HS2ST1: variants seen among roughly 807,000 people sequenced by gnomAD.
The protein encoded by HS2ST1 is heparan sulfate 2-O-sulfotransferase 1, also known as 2-O-sulfotransferase.
Under a neutral mutation model 42.9 loss-of-function variants are expected in HS2ST1, and 18 were observed. The observed-to-expected ratio is 0.42, with a 90% CI of 0.29 to 0.62. The LOEUF (loss-of-function observed/expected upper bound fraction) is 0.62. Among genes scored for constraint, HS2ST1 ranks in the 20% least tolerant of loss-of-function variants. The pLI, the probability that HS2ST1 is intolerant of heterozygous loss-of-function variation, is 0.21. For missense variants in HS2ST1, 334 were observed against 433.8 expected (o/e 0.77, Z 2.04); for synonymous variants, 146 against 152.9 (o/e 0.95, Z 0.33).
At chr1:87,018,153 C>CACACACACACACACACACACACAG (rs1325046712) in intron 1 of HS2ST1, among the ~76,000 whole-genome samples, 1 of 151,256 alleles carries the variant, frequency 6.6e-6, no homozygotes, top group Non-Finnish European at 1.5e-5. Flanking sequence ...CACACACACA[C>CACACACACACACACACACACACAG]ACACACACAC....
At chr1:87,027,410 C>T (rs1382984361) in intron 1 of HS2ST1, among the ~76,000 whole-genome samples, 1 of 152,140 alleles carries the variant, frequency 6.6e-6, no homozygotes, top group African/African-American at 2.4e-5. Context: ...AGGAGGAATG[C>T]ATGATTTTAG....
chr1:87,082,232 A>AT (rs1459070211), intron 2 of HS2ST1, among the ~76,000 whole-genome samples: 1 of 152,144 alleles, frequency 6.6e-6, no homozygotes, highest in Non-Finnish European at 1.5e-5. Flanking sequence ...TACACATTGG[A>AT]TGAGATATCA....
At chr1:87,056,181 A>G (rs10747339) in intron 1 of HS2ST1, among the ~76,000 whole-genome samples, 151,844 of 152,292 alleles carry the variant, frequency 1, 75,700 homozygotes, top group Middle Eastern at 1. Flanking sequence ...TGAGGACTAC[A>G]TTAGTTACAA....
chr1:86,918,517 T>TTG (rs1660216405), intron 1 of HS2ST1, among the ~76,000 whole-genome samples: 1 of 151,930 alleles, frequency 6.6e-6, no homozygotes. Context: ...TTTTGAGTGT[T>TTG]TCTTTTCTTT....
intron 3 of HS2ST1, among the ~76,000 whole-genome samples, chr1:87,091,725 G>A (rs942189746): frequency 3.3e-5 from 5 of 151,980 alleles, no homozygotes; most frequent in East Asian, 1.9e-4. Flanking sequence ...AAGAATAATG[G>A]AAAAGTAAGA....
intron 2 of HS2ST1, among the ~76,000 whole-genome samples, chr1:87,077,807 C>T (rs1651582802): frequency 6.6e-6 from 1 of 152,166 alleles, no homozygotes; most frequent in Non-Finnish European, 1.5e-5. Context: ...ATAATAATTA[C>T]TGGCAGAGTG....
intron 1 of HS2ST1, among the ~76,000 whole-genome samples, chr1:87,054,927 G>C (rs1650923413): frequency 6.6e-6 from 1 of 152,184 alleles, no homozygotes; most frequent in Non-Finnish European, 1.5e-5. Context: ...TACAACAGCT[G>C]ATGTTTCCCT....
At chr1:87,008,727 A>G (rs1321782834) in intron 1 of HS2ST1, among the ~76,000 whole-genome samples, 1 of 152,250 alleles carries the variant, frequency 6.6e-6, no homozygotes, top group East Asian at 1.9e-4. Flanking sequence ...AGAAGGTTTC[A>G]CAAGCCCCAT....
At chr1:87,050,972 T>A (rs1650816068) in intron 1 of HS2ST1, among the ~76,000 whole-genome samples, 1 of 152,202 alleles carries the variant, frequency 6.6e-6, no homozygotes, top group Admixed American at 6.5e-5. Flanking sequence ...TTAGTAGAGA[T>A]CAAATCACCT....
chr1:86,992,163 C>T (rs575933583), intron 1 of HS2ST1, among the ~76,000 whole-genome samples: 1 of 151,904 alleles, frequency 6.6e-6, no homozygotes, highest in Non-Finnish European at 1.5e-5. Flanking sequence ...CCACTCCTCC[C>T]ACTCCCCATT....
rs75884472 is a variant in HS2ST1, at chr1:87,107,642, C to CAT, written c.*2959_*2960dup. The CAT allele has an allele frequency of 1.3e-5, 1 of 74,612 alleles. No homozygotes were observed. Among genetic ancestry groups the CAT allele is most frequent in the Non-Finnish European group, 3.6e-5 (1 of 27,478 alleles). The allele number at this position is 74,612 out of a possible 1,614,324, so 4.6% of individuals were successfully genotyped here. On this transcript the variant is annotated 3_prime_UTR_variant, in exon 7 of 7. Coordinates refer to ENST00000370550, the MANE Select transcript of HS2ST1 (RefSeq NM_012262.4). ...TATGTGTGTATGTGAAATATATATA[C>CAT]ATATATATATATATGTTTATTTCCT...
intron 1 of HS2ST1, among the ~76,000 whole-genome samples, chr1:86,923,546 GCCACCACGCCTGGCCAA>G (rs1395296120): frequency 6.6e-6 from 1 of 152,004 alleles, no homozygotes; most frequent in Non-Finnish European, 1.5e-5. Context: ...ACAGGTGCCT[GCCACCACGCCTGGCCAA>G]TATTTTGTAT....
intron 1 of HS2ST1, among the ~76,000 whole-genome samples, chr1:87,027,243 A>G: frequency 6.6e-6 from 1 of 152,174 alleles, no homozygotes; most frequent in East Asian, 1.9e-4. Context: ...CTTTTTATCA[A>G]ATAAAGATAA....
At chr1:86,986,913 A>C (rs942709591) in intron 1 of HS2ST1, among the ~76,000 whole-genome samples, 5 of 152,120 alleles carry the variant, frequency 3.3e-5, no homozygotes, top group South Asian at 4.1e-4. Flanking sequence ...ATAGAAAAAT[A>C]ATAACACCAC....
intron 1 of HS2ST1, among the ~76,000 whole-genome samples, chr1:87,065,113 A>G (rs1041921225): frequency 1.4e-4 from 22 of 152,234 alleles, no homozygotes; most frequent in African/African-American, 5.3e-4. Context: ...TGAAGCAAGA[A>G]TCAGTTAAAT....
Position 87,019,932 on chromosome 1 carries a change from C to G in HS2ST1, c.125-53002C>G, listed in dbSNP as rs1259000874. 3.9e-5 allele frequency among the ~76,000 whole-genome samples: 6 copies of G among 152,180 alleles called. No individual in the cohort carries two copies. In the East Asian group the frequency reaches 1.2e-3, roughly 29 times the overall value. ...TTTTCTGACTCCCATAGAAATCTAT[C>G]AGTTTGCTCAAATCTGTACTAATAA... On this transcript the variant is annotated intron_variant, in intron 1 of 6. Transcript: ENST00000370550.
At chr1:86,968,837 G>A (rs1648144992) in intron 1 of HS2ST1, among the ~76,000 whole-genome samples, 1 of 151,764 alleles carries the variant, frequency 6.6e-6, no homozygotes, top group Non-Finnish European at 1.5e-5. Flanking sequence ...TCATATTTTT[G>A]GGAATTTAAC....
chr1:87,018,132 C>CCCCACACACACACACACACACACACA (rs371488632), intron 1 of HS2ST1, among the ~76,000 whole-genome samples: 1 of 149,240 alleles, frequency 6.7e-6, no homozygotes, highest in African/African-American at 2.5e-5. Context: ...TAAATAAAAG[C>CCCCACACACACACACACACACACACA]CACACACACA....
chr1:87,054,075 G>A (rs1465386126), intron 1 of HS2ST1, among the ~76,000 whole-genome samples: 2 of 151,948 alleles, frequency 1.3e-5, no homozygotes, highest in Non-Finnish European at 2.9e-5. Flanking sequence ...TGTTCCATGG[G>A]CACATGAAAC....
Sources: gnomAD v4.1 joint callset for allele counts (sites outside exome capture counted in the v4.1 genomes callset) on GRCh38, gnomAD v4.1.1 for gene constraint, MANE v1.5 for transcripts, NCBI Gene and HGNC (gene_info 2026-07-23, HGNC 2026-07-21) for gene names.